KIF7: variants seen among roughly 807,000 people sequenced by gnomAD.
The protein encoded by KIF7 is kinesin-like protein KIF7.
KIF7 carries 104 observed loss-of-function variants against 135.7 expected under a neutral mutation model. The ratio of observed to expected loss-of-function variants is 0.77; its 90% CI spans 0.65 to 0.90. KIF7 has a LOEUF of 0.90. Ranked by LOEUF, KIF7 falls within the 40% of genes least tolerant of loss-of-function variation. KIF7 has a pLI of 0.00. For synonymous variants in KIF7, 883 were observed against 809.4 expected, an observed-to-expected ratio of 1.09 and a Z score of -1.54; for missense variants, 2,005 against 1,839.1, an observed-to-expected ratio of 1.09 and a Z score of -1.65.
chr15:89,648,016 C>A (rs919840669), intron 5 of KIF7, among the ~76,000 whole-genome samples: 1 of 152,216 alleles, frequency 6.6e-6, no homozygotes, highest in South Asian at 2.1e-4. Flanking sequence ...TCAGCCCTTA[C>A]AACATCCCCA....
At chr15:89,624,110 A>G (rs771329614), downstream of KIF7, 1 of 1,613,736 alleles carries the variant, frequency 6.2e-7, no homozygotes, top group Non-Finnish European at 8.5e-7. Flanking sequence ...CAAACACACC[A>G]ACAGCCCCAT....
At chr15:89,631,849 AC>A in intron 14 of KIF7, 139 bp from the exon 15 acceptor site, 1 of 744,800 alleles carries the variant, frequency 1.3e-6, no homozygotes, top group Non-Finnish European at 2.2e-6. Flanking sequence ...CAGCAGGGAG[AC>A]CAGACTTAGT....
chr15:89,626,868 T>C (rs1963537074), downstream of KIF7: 2 of 1,421,980 alleles, frequency 1.4e-6, no homozygotes, highest in East Asian at 4.6e-5. Context: ...AGTCTGTTTT[T>C]GTGTGTAACC....
chr15:89,637,574 A>G (rs1422808976), intron 11 of KIF7, among the ~76,000 whole-genome samples: 2 of 151,138 alleles, frequency 1.3e-5, no homozygotes, highest in Non-Finnish European at 3.0e-5. Context: ...ATCTAGAAGA[A>G]ATGGATAAAT....
upstream of KIF7, among the ~76,000 whole-genome samples, chr15:89,658,972 A>C (rs1183830510): frequency 6.6e-6 from 1 of 152,190 alleles, no homozygotes; most frequent in East Asian, 1.9e-4. Context: ...CCTTCATGGT[A>C]GGGGAGAGCT....
chr15:89,659,560 G>C (rs917143346), upstream of KIF7, among the ~76,000 whole-genome samples: 1 of 152,030 alleles, frequency 6.6e-6, no homozygotes, highest in Non-Finnish European at 1.5e-5. Context: ...AAAGAGAAGA[G>C]AAAGGGCAAA....
In KIF7 at chr15:89,646,011, T is replaced by C; in HGVS notation, c.1804A>G (p.Arg602Gly). 2 of 1,613,946 alleles carry C rather than the reference T, an allele frequency of 1.2e-6. No individual in the cohort carries two copies. Among genetic ancestry groups the C allele is most frequent in the Non-Finnish European group, 1.7e-6 (2 of 1,179,978 alleles). ...EQRGEQVTNG[R>G]EAGAELLTEV... Reference sequence around the variant, plus strand: ...GTCAGCAACTCAGCTCCAGCCTCCCTGCCATTTGTCACCTGCTAGGGGAGT... The same window carrying C: ...GTCAGCAACTCAGCTCCAGCCTCCCCGCCATTTGTCACCTGCTAGGGGAGT... The change falls in exon 8 of 19, where the codon AGG becomes GGG. Residue 602 changes from arginine (R) to glycine (G), a missense_variant. Coordinates refer to ENST00000394412, the MANE Select transcript of KIF7 (RefSeq NM_198525.3).
At chr15:89,621,444 T>C in intron 1 of KIF7, 1 of 1,613,910 alleles carries the variant, frequency 6.2e-7, no homozygotes. Flanking sequence ...AAGAGTCTTC[T>C]TTTTGGGGCA....
chr15:89,621,841 G>T (rs1963430112), intron 1 of KIF7, among the ~76,000 whole-genome samples: 1 of 152,042 alleles, frequency 6.6e-6, no homozygotes, highest in Non-Finnish European at 1.5e-5. Context: ...ATACCTTTCT[G>T]GAGTGTGTGA....
chr15:89,654,291 A>G (rs11632801), intron 1 of KIF7, among the ~76,000 whole-genome samples: 151,294 of 151,310 alleles, frequency 1, 75,639 homozygotes, highest in Middle Eastern at 1. Flanking sequence ...TTCCAGGCGT[A>G]AGTCACCGTG....
At chr15:89,649,483 C>A in intron 3 of KIF7, 116 bp from the exon 4 acceptor site, 1 of 1,234,826 alleles carries the variant, frequency 8.1e-7, no homozygotes, top group Admixed American at 2.9e-5. Context: ...CTGCTCCCTC[C>A]CCATGCCCAC....
intron 15 of KIF7, 81 bp downstream of exon 15, chr15:89,631,414 G>A (rs1019819834): frequency 1.4e-4 from 176 of 1,293,300 alleles, no homozygotes; most frequent in Non-Finnish European, 1.8e-4. Flanking sequence ...CACCCGCAGA[G>A]GGCTGGAGCA....
chr15:89,625,839 C>T, downstream of KIF7: 2 of 1,555,806 alleles, frequency 1.3e-6, no homozygotes, highest in Non-Finnish European at 1.7e-6. Context: ...GGTCAGAGTG[C>T]TTGACAAGGA....
At chr15:89,645,270 G>A in intron 9 of KIF7, 66 bp downstream of exon 9, 7 of 1,601,344 alleles carry the variant, frequency 4.4e-6, no homozygotes, top group Non-Finnish European at 6.0e-6. Flanking sequence ...CTGTCCCAAG[G>A]TGGCTGGCCC....
chr15:89,645,327 C>T lies in KIF7; in HGVS notation c.2038+9G>A, dbSNP rs1194880889. 2.1e-5 allele frequency: 34 copies of T among 1,613,366 alleles called. No homozygotes were observed. Among genetic ancestry groups the T allele is most frequent in the Non-Finnish European group, 2.9e-5 (34 of 1,179,482 alleles). On this transcript the variant is annotated intron_variant, in intron 9 of 18. Coordinates refer to ENST00000394412, the MANE Select transcript of KIF7 (RefSeq NM_198525.3). ...GGAGGAGGCCCTCTCTGCATCCCACCCAGCTTACCTCTGGACCCTGGAATG... is the reference window on the plus strand; with the variant it reads ...GGAGGAGGCCCTCTCTGCATCCCACTCAGCTTACCTCTGGACCCTGGAATG...
At position 89,649,293 on chromosome 15, in the gene KIF7, C is replaced by A; in HGVS notation, c.604G>T (p.Ala202Ser). The A allele has an allele frequency of 1.3e-6, 2 of 1,496,444 alleles. No individual in the cohort carries two copies. The highest frequency in any genetic ancestry group is 2.2e-5 in the Admixed American group (1 of 45,136). The allele number at this position is 1,496,444 out of a possible 1,614,324, so 92.7% of individuals were successfully genotyped here. A position where few individuals can be genotyped will look rare whatever the true frequency, so the allele number is the denominator to read the frequency against. The change falls in exon 4 of 19, where the codon GCG becomes TCG. Residue 202 changes from alanine (A) to serine (S), a missense_variant. Coordinates refer to ENST00000394412, the MANE Select transcript of KIF7 (RefSeq NM_198525.3). The part of the protein sequence containing the change: ...VLSLLEMGNA[A>S]RHTGATHLNH... ...AGGTGCGTGGCTCCCGTGTGCCGCG[C>A]CGCGTTGCCCATCTCCAGGAGGCTC...
At chr15:89,625,651 G>A (rs1216536963), downstream of KIF7, 1 of 1,613,658 alleles carries the variant, frequency 6.2e-7, no homozygotes, top group Non-Finnish European at 8.5e-7. Context: ...GTTGGCCAAG[G>A]AAGAAGCTGA....
At chr15:89,624,650 G>A, downstream of KIF7, 2 of 1,614,108 alleles carry the variant, frequency 1.2e-6, no homozygotes, top group South Asian at 1.1e-5. Flanking sequence ...GGTCTCAGGA[G>A]TGATTGGCAT....
In KIF7 at chr15:89,631,678, G is replaced by T; in HGVS notation, c.2928C>A (p.Ser976Arg). ...ALNEDIVRVS[S>R]RLEHLEKELS... ...GCTCCTTCTCCAGGTGCTCCAGCCG[G>T]CTGGACACTCGCACGATGTCCTCGT... The change falls in exon 15 of 19, where the codon AGC becomes AGA. Residue 976 changes from serine (S) to arginine (R), a missense_variant. Physicochemically the swap from Ser to Arg is moderately radical, Grantham distance 110. Coordinates refer to ENST00000394412, the MANE Select transcript of KIF7 (RefSeq NM_198525.3). 6.4e-7 allele frequency: 1 copy of T among 1,558,080 alleles called. No homozygotes were observed.
Sources: allele counts gnomAD v4.1 joint callset (sites outside exome capture counted in the v4.1 genomes callset), GRCh38; gene constraint gnomAD v4.1.1; transcripts MANE v1.5; gene names NCBI Gene and HGNC (gene_info 2026-07-23, HGNC 2026-07-21).